Variants in CASP4 observed in about 807,000 individuals in gnomAD.
CASP4 encodes caspase 4.
A neutral mutation model predicts 41.3 loss-of-function variants in CASP4; 29 were observed. The observed-to-expected ratio is 0.70, with a 90% CI of 0.52 to 0.96. The LOEUF (loss-of-function observed/expected upper bound fraction) is 0.96, where lower values mean the gene tolerates loss of function less well. CASP4 is among the 40% of genes least tolerant of loss of function. CASP4 has a pLI of 0.00. For synonymous variants in CASP4, 185 were observed against 158.4 expected, an observed-to-expected ratio of 1.17 and a Z score of -1.26; for missense variants, 447 against 460.6, an observed-to-expected ratio of 0.97 and a Z score of 0.27.
At position 104,945,994 on chromosome 11, in the gene CASP4, A is replaced by G. The variant is rs185343255; in HGVS notation, c.1035+1089T>C. ...TCAGGTAGCTCGGATTACAGGTTCC[A>G]GTCAATATGCCCGGCTAATTTTTGT... On this transcript the variant is annotated intron_variant, in intron 7 of 8. Transcript: ENST00000444739. Among the ~76,000 whole-genome samples, 18 of 152,060 alleles carry G rather than the reference A, an allele frequency of 1.2e-4. No homozygotes were observed. In the East Asian group the frequency reaches 3.1e-3, roughly 26 times the overall value.
chr11:104,960,439 A>G (rs1054809413), intron 1 of CASP4, among the ~76,000 whole-genome samples: 1 of 151,396 alleles, frequency 6.6e-6, no homozygotes, highest in African/African-American at 2.4e-5. Flanking sequence ...ATCTCCTTAG[A>G]GTAGCATTTT....
rs772291949 is a variant in CASP4 at position 104,954,880 on chromosome 11, CT to C, written c.128del (p.Lys43ArgfsTer37). The C allele has an allele frequency of 1.9e-6, 3 of 1,613,670 alleles. No individual in the cohort carries two copies. Among genetic ancestry groups the C allele is most frequent in the African/African-American group, 1.3e-5 (1 of 74,890 alleles). On this transcript the variant is annotated frameshift_variant, in exon 2 of 9. Coordinates refer to ENST00000444739, the MANE Select transcript of CASP4 (RefSeq NM_001225.4). LOFTEE classifies it high-confidence loss of function. ...CTTCAGTTTTAGCATCGTAATATTT[CT>C]TTTTTTCCTCTTCCTTCCAGTTCAG... ...NVLNWKEEEK[K>X]KYYDAKTEDK...
intron 1 of CASP4, among the ~76,000 whole-genome samples, chr11:104,964,241 G>T (rs572334802): frequency 2.0e-5 from 3 of 152,218 alleles, no homozygotes; most frequent in South Asian, 4.1e-4. Flanking sequence ...GCAGGTCTCA[G>T]ATAACTTTAA....
At chr11:104,944,596 T>A in intron 8 of CASP4, 152 bp downstream of exon 8, 1 of 563,990 alleles carries the variant, frequency 1.8e-6, no homozygotes, top group Non-Finnish European at 3.2e-6. Context: ...TACATGTAAG[T>A]CGGAAAGAAG....
At chr11:104,955,211 T>G (rs1247364860) in intron 1 of CASP4, among the ~76,000 whole-genome samples, 1 of 152,156 alleles carries the variant, frequency 6.6e-6, no homozygotes. Flanking sequence ...TATTTTCTTT[T>G]TTGTTCTTTT....
At position 104,952,138 on chromosome 11, in the gene CASP4, A is replaced by G. The variant is rs187424574; in HGVS notation, c.263-133T>C. 1.2e-3 allele frequency: 709 copies of G among 600,114 alleles called. 1 individual carries two copies. Among genetic ancestry groups the G allele is most frequent in the Middle Eastern group, 2.7e-3 (6 of 2,262 alleles). The allele number at this position is 600,114 out of a possible 1,614,324, so 37.2% of individuals were successfully genotyped here. A position where few individuals can be genotyped will look rare whatever the true frequency, so the allele number is the denominator to read the frequency against. On this transcript the variant is annotated intron_variant, in intron 2 of 8. Transcript: ENST00000444739. ...GGGGTTTTAGTTGTATCTCATATCT[A>G]GTATTCTACATCAGGAGATGTATTG... is the stretch of plus-strand genomic sequence containing the variant.
intron 1 of CASP4, among the ~76,000 whole-genome samples, chr11:104,964,795 A>T (rs1481153124): frequency 1.3e-5 from 2 of 152,206 alleles, no homozygotes; most frequent in African/African-American, 4.8e-5. Context: ...TACCCAACTC[A>T]TAGGTATTTA....
chr11:104,961,692 A>T (rs1860863646), intron 1 of CASP4, among the ~76,000 whole-genome samples: 1 of 151,664 alleles, frequency 6.6e-6, no homozygotes, highest in Admixed American at 6.6e-5. Flanking sequence ...TGGAAGGGAT[A>T]CTCTTGGAGT....
At chr11:104,949,895 T>G in intron 4 of CASP4, 118 bp from the exon 5 acceptor site, 1 of 891,290 alleles carries the variant, frequency 1.1e-6, no homozygotes, top group Non-Finnish European at 1.8e-6. Context: ...GTGCTTCACT[T>G]AGTGCTTACT....
At position 104,949,557 on chromosome 11, in the gene CASP4, T is replaced by C. The variant is rs148312912; in HGVS notation, c.767A>G (p.Gln256Arg). The part of the protein sequence containing the change: ...LKDKPKVIIV[Q>R]ACRGANRGEL... ...TCAGCACTCACCACCTCTGCAGGCC[T>C]GGACAATGATGACCTTGGGTTTGTC... The change falls in exon 5 of 9, where the codon CAG becomes CGG. Residue 256 changes from glutamine to arginine, a missense_variant. By Grantham distance (43) the Gln-to-Arg change is conservative. Transcript: ENST00000444739. The C allele has an allele frequency of 3.1e-6, 5 of 1,613,794 alleles. No individual in the cohort carries two copies. Among genetic ancestry groups the C allele is most frequent in the Non-Finnish European group, 4.2e-6 (5 of 1,179,848 alleles).
intron 3 of CASP4, chr11:104,951,451 G>C (rs114910396): frequency 8.3e-6 from 2 of 239,874 alleles, no homozygotes; most frequent in Non-Finnish European, 1.6e-5. Flanking sequence ...CTTTGCCTTC[G>C]GAAGCATAGC....
intron 4 of CASP4, 99 bp downstream of exon 4, chr11:104,950,826 A>ACACACACAC: frequency 5.5e-5 from 62 of 1,119,032 alleles, no homozygotes; most frequent in Non-Finnish European, 6.6e-5. Flanking sequence ...ACACACACCC[A>ACACACACAC]AAGGTTGTTA....
chr11:104,948,845 CTTT>C, intron 5 of CASP4, 169 bp from the exon 6 acceptor site: 1 of 362,756 alleles, frequency 2.8e-6, no homozygotes, highest in East Asian at 4.1e-5. Context: ...CACCACTTTT[CTTT>C]CTCTCCAGTG....
chr11:104,949,674 C>T lies in CASP4; in HGVS notation c.650G>A (p.Cys217Tyr). 6.2e-7 allele frequency: 1 copy of T among 1,613,918 alleles called. No individual in the cohort carries two copies. ...LMSHGILEGI[C>Y]GTVHDEKKPD... ...TTTTTTCTCATCATGCACAGTTCCG[C>T]AGATTCCCTCCAGGATGCCATGAGA... The change falls in exon 5 of 9, where the codon TGC becomes TAC. Residue 217 changes from cysteine (C) to tyrosine (Y), a missense_variant. Physicochemically the swap from Cys to Tyr is radical, Grantham distance 194. Coordinates refer to ENST00000444739, the MANE Select transcript of CASP4 (RefSeq NM_001225.4).
chr11:104,947,016 G>A, intron 7 of CASP4, 67 bp downstream of exon 7: 1 of 1,143,968 alleles, frequency 8.7e-7, no homozygotes, highest in Non-Finnish European at 1.3e-6. Flanking sequence ...TCATTGTGAA[G>A]TAAAAAGTGA....
intron 1 of CASP4, among the ~76,000 whole-genome samples, chr11:104,957,548 G>C (rs1860763858): frequency 6.6e-6 from 1 of 151,988 alleles, no homozygotes; most frequent in African/African-American, 2.4e-5. Context: ...CTCCAGTCTT[G>C]GCTACAGAAT....
intron 1 of CASP4, among the ~76,000 whole-genome samples, chr11:104,957,777 A>C (rs1263211581): frequency 6.6e-6 from 1 of 152,130 alleles, no homozygotes; most frequent in African/African-American, 2.4e-5. Flanking sequence ...AAATAGAAAC[A>C]AATCCTAAAA....
intron 7 of CASP4, among the ~76,000 whole-genome samples, chr11:104,946,391 C>T (rs749093682): frequency 5.3e-5 from 8 of 151,956 alleles, no homozygotes; most frequent in Non-Finnish European, 8.8e-5. Flanking sequence ...CCTGCCATCA[C>T]GAAGTTTGCA....
intron 1 of CASP4, among the ~76,000 whole-genome samples, chr11:104,963,923 G>C (rs1860917035): frequency 6.6e-6 from 1 of 152,094 alleles, no homozygotes; most frequent in Non-Finnish European, 1.5e-5. Context: ...TCCTGGCCCT[G>C]TTCCTCCAAG....
Sources: gnomAD v4.1 joint callset for allele counts (sites outside exome capture counted in the v4.1 genomes callset) on GRCh38, gnomAD v4.1.1 for gene constraint, MANE v1.5 for transcripts, NCBI Gene and HGNC (gene_info 2026-07-23, HGNC 2026-07-21) for gene names.